The following ZFHX3 variants were observed in gnomAD, a reference collection of about 807,000 sequenced individuals.
ZFHX3 encodes zinc finger homeobox protein 3.
In ZFHX3, 42 loss-of-function variants were observed where a neutral mutation model predicts 279.1. That is an observed-to-expected ratio of 0.15 (90% CI 0.12 to 0.19). The LOEUF is 0.19. ZFHX3 is among the 10% of genes least tolerant of loss of function. The pLI, the probability that ZFHX3 is intolerant of heterozygous loss-of-function variation, is 1.00. For missense variants in ZFHX3, 4,981 were observed against 4,754.0 expected, an observed-to-expected ratio of 1.05 and a Z score of -1.40; for synonymous variants, 2,293 against 1,957.8, an observed-to-expected ratio of 1.17 and a Z score of -4.52.
intron 5 of ZFHX3, among the ~76,000 whole-genome samples, chr16:73,204,433 G>C (rs1176344134): frequency 6.6e-6 from 1 of 152,156 alleles, no homozygotes; most frequent in Non-Finnish European, 1.5e-5. Flanking sequence ...CTCACAAGAA[G>C]TGCCCAACCT....
chr16:72,833,172 C>T (rs950003810), intron 4 of ZFHX3, among the ~76,000 whole-genome samples: 1 of 152,218 alleles, frequency 6.6e-6, no homozygotes, highest in Non-Finnish European at 1.5e-5. Context: ...GCCCTGGAAA[C>T]ACGTGGGAAC....
chr16:72,901,202 T>C (rs1194208290), intron 3 of ZFHX3, among the ~76,000 whole-genome samples: 1 of 152,222 alleles, frequency 6.6e-6, no homozygotes, highest in Admixed American at 6.5e-5. Flanking sequence ...TTTTCCTCCC[T>C]TGCTCTGCAG....
chr16:73,209,943 G>T (rs562472905), intron 5 of ZFHX3, among the ~76,000 whole-genome samples: 11 of 152,276 alleles, frequency 7.2e-5, no homozygotes, highest in African/African-American at 2.6e-4. Flanking sequence ...TCCCCAAAAA[G>T]CTATACATGT....
intron 4 of ZFHX3, among the ~76,000 whole-genome samples, chr16:73,281,021 A>G (rs1266179849): frequency 2.2e-5 from 2 of 91,388 alleles, no homozygotes; most frequent in Non-Finnish European, 4.2e-5. Flanking sequence ...AAAGGAGAGG[A>G]GAGGAGAGGG....
At chr16:73,348,522 G>A (rs995567395) in intron 3 of ZFHX3, among the ~76,000 whole-genome samples, 1 of 152,194 alleles carries the variant, frequency 6.6e-6, no homozygotes, top group Non-Finnish European at 1.5e-5. Context: ...TTGAAGCCGT[G>A]TTTGATGTTT....
chr16:73,842,071 C>G (rs990402323), intron 1 of ZFHX3, among the ~76,000 whole-genome samples: 2 of 151,608 alleles, frequency 1.3e-5, no homozygotes, highest in African/African-American at 4.9e-5. Flanking sequence ...AAAAAATTAG[C>G]CAGGCATGGT....
At chr16:72,900,184 C>T (rs954203633) in intron 3 of ZFHX3, among the ~76,000 whole-genome samples, 25 of 151,040 alleles carry the variant, frequency 1.7e-4, no homozygotes, top group East Asian at 3.9e-4. Flanking sequence ...TCTGTTTGCC[C>T]ATCAGGGCAC....
chr16:73,136,361 G>A (rs1190694193), intron 6 of ZFHX3, among the ~76,000 whole-genome samples: 1 of 152,000 alleles, frequency 6.6e-6, no homozygotes, highest in East Asian at 1.9e-4. Flanking sequence ...CCAGTTCTTT[G>A]GTTCCCAAAG....
chr16:73,260,710 G>C (rs1229884508), intron 4 of ZFHX3, among the ~76,000 whole-genome samples: 1 of 96,082 alleles, frequency 1.0e-5, no homozygotes, highest in African/African-American at 3.9e-5. Context: ...TTTTTTTTGA[G>C]ATGGAGCTTT....
chr16:73,098,660 C>T (rs1043634530), intron 7 of ZFHX3: 2 of 152,310 alleles, frequency 1.3e-5, no homozygotes, highest in African/African-American at 4.8e-5. Flanking sequence ...CTGCACCTGG[C>T]TGTATATCTA....
chr16:73,154,357 T>A (rs1327810857), intron 5 of ZFHX3, among the ~76,000 whole-genome samples: 1 of 152,198 alleles, frequency 6.6e-6, no homozygotes, highest in Non-Finnish European at 1.5e-5. Context: ...CTGTTTCCTG[T>A]TCCGTTTTTC....
At chr16:73,720,897 A>C (rs75253422) in intron 1 of ZFHX3, among the ~76,000 whole-genome samples, 2,271 of 152,286 alleles carry the variant, frequency 0.015, 61 homozygotes, top group African/African-American at 0.052. Flanking sequence ...TTGTCCTTCC[A>C]AGTTAATATC....
intron 5 of ZFHX3, among the ~76,000 whole-genome samples, chr16:73,251,912 CCA>C (rs1217870742): frequency 6.4e-5 from 5 of 77,666 alleles, no homozygotes; most frequent in South Asian, 3.0e-4. Context: ...CACACACACA[CCA>C]CACACACACC....
At chr16:73,855,382 T>C (rs908113858) in intron 1 of ZFHX3, among the ~76,000 whole-genome samples, 3 of 152,182 alleles carry the variant, frequency 2.0e-5, no homozygotes, top group African/African-American at 7.2e-5. Flanking sequence ...TCACATTCAG[T>C]GGCCTTCCTG....
At chr16:73,090,911 G>GAAAAA (rs57632636) in intron 8 of ZFHX3, among the ~76,000 whole-genome samples, 1,128 of 108,256 alleles carry the variant, frequency 0.01, 2 homozygotes, top group Non-Finnish European at 0.015. Context: ...ATCCCATATT[G>GAAAAA]AAAAAAAAAA....
At chr16:73,555,225 G>T (rs898750973) in intron 2 of ZFHX3, among the ~76,000 whole-genome samples, 1 of 152,026 alleles carries the variant, frequency 6.6e-6, no homozygotes, top group Non-Finnish European at 1.5e-5. Flanking sequence ...CGCGATCTCA[G>T]CTCACTGCAA....
chr16:72,810,273 C>T (rs2036403721), intron 7 of ZFHX3, among the ~76,000 whole-genome samples: 1 of 152,070 alleles, frequency 6.6e-6, no homozygotes, highest in Non-Finnish European at 1.5e-5. Flanking sequence ...GCAACCTCTG[C>T]CTCCCGGGTT....
chr16:73,097,834 T>C (rs1385925639), intron 7 of ZFHX3, among the ~76,000 whole-genome samples: 1 of 152,236 alleles, frequency 6.6e-6, no homozygotes, highest in African/African-American at 2.4e-5. Flanking sequence ...GTACAATATT[T>C]GTCCCTTTGT....
chr16:73,147,612 A>G (rs1003152587), intron 5 of ZFHX3, among the ~76,000 whole-genome samples: 22 of 145,550 alleles, frequency 1.5e-4, no homozygotes, highest in Non-Finnish European at 2.4e-4. Context: ...GAATGGCGTG[A>G]ACCCGGGAGG....
Sources: gnomAD v4.1 joint callset for allele counts (sites outside exome capture counted in the v4.1 genomes callset) on GRCh38, gnomAD v4.1.1 for gene constraint, MANE v1.5 for transcripts, NCBI Gene and HGNC (gene_info 2026-07-23, HGNC 2026-07-21) for gene names.